C6orf89: variants seen among roughly 807,000 people sequenced by gnomAD.
C6orf89 encodes the protein chromosome 6 open reading frame 89.
In C6orf89, 29 loss-of-function variants were observed where a neutral mutation model predicts 40.7. That is an observed-to-expected ratio of 0.71 (90% CI 0.53 to 0.97). The LOEUF is 0.97. Among genes scored for constraint, C6orf89 ranks in the 50% least tolerant of loss-of-function variants. The pLI, the probability that C6orf89 is intolerant of heterozygous loss-of-function variation, is 0.00. For synonymous variants in C6orf89, 165 were observed against 152.2 expected (o/e 1.08, Z -0.62); for missense variants, 392 against 429.1 (o/e 0.91, Z 0.76).
chr6:36,887,956 C>G (rs1775057361), intron 1 of C6orf89, among the ~76,000 whole-genome samples: 1 of 152,126 alleles, frequency 6.6e-6, no homozygotes, highest in South Asian at 2.1e-4. Flanking sequence ...AAGTCCTGGG[C>G]TCAAGCAGTC....
chr6:36,900,476 A>G (rs1761632906), intron 3 of C6orf89, among the ~76,000 whole-genome samples: 1 of 151,360 alleles, frequency 6.6e-6, no homozygotes, highest in Admixed American at 6.6e-5. Flanking sequence ...TGCTGGGATT[A>G]CAGGCCTAAG....
At chr6:36,894,006 A>T (rs1761324752) in intron 1 of C6orf89, among the ~76,000 whole-genome samples, 1 of 150,220 alleles carries the variant, frequency 6.7e-6, no homozygotes. Context: ...CCTGGGCAAC[A>T]CAGCGAGACT....
intron 2 of C6orf89, among the ~76,000 whole-genome samples, chr6:36,899,098 A>G (rs1761561906): frequency 6.6e-6 from 1 of 152,120 alleles, no homozygotes; most frequent in Non-Finnish European, 1.5e-5. Context: ...TTGGTGTCAG[A>G]AATCTTTTTT....
intron 7 of C6orf89, among the ~76,000 whole-genome samples, chr6:36,918,459 C>T (rs984857386): frequency 4.6e-5 from 7 of 152,300 alleles, no homozygotes; most frequent in East Asian, 3.9e-4. Context: ...CCACATTAGC[C>T]GGTGAAATGG....
In C6orf89 at chr6:36,924,744, C is replaced by T. The variant is rs984574753; in HGVS notation, c.*1303C>T. 1 of 152,148 alleles carries T rather than the reference C, an allele frequency of 6.6e-6. No homozygotes were observed. Among genetic ancestry groups the T allele is most frequent in the Non-Finnish European group, 1.5e-5 (1 of 68,036 alleles). The allele number at this position is 152,148 out of a possible 1,614,324, so 9.4% of individuals were successfully genotyped here. A position where few individuals can be genotyped will look rare whatever the true frequency, so the allele number is the denominator to read the frequency against. The stretch of plus-strand genomic sequence containing the variant: ...GCCAAGATGAAGAAAAAGCAAACTA[C>T]ACTTTGGCCTCTGGTTCTGAATTGC... On this transcript the variant is annotated 3_prime_UTR_variant, in exon 9 of 9. Coordinates refer to ENST00000480824, the MANE Select transcript of C6orf89 (RefSeq NM_001286635.2).
At chr6:36,909,264 G>A (rs1453272278) in intron 4 of C6orf89, among the ~76,000 whole-genome samples, 1 of 143,066 alleles carries the variant, frequency 7.0e-6, no homozygotes, top group Non-Finnish European at 1.5e-5. Flanking sequence ...CTTTTTTTCT[G>A]TAAGATATAT....
chr6:36,914,459 G>A lies in C6orf89; in HGVS notation c.555+24G>A, dbSNP rs201425323. On this transcript the variant is annotated intron_variant, in intron 5 of 8. Transcript: ENST00000480824. The stretch of plus-strand genomic sequence containing the variant: ...AGGTGAGCAGAAGCCTGAGTCTCCC[G>A]CTGATTGGCTGCTTGCTTAAAGGCT... The A allele has an allele frequency of 5.0e-5, 80 of 1,613,484 alleles. No homozygotes were observed. The African/African-American group carries it at 8.3e-4, about 17-fold the overall frequency.
At chr6:36,905,360 G>A (rs1481572467) in intron 4 of C6orf89, among the ~76,000 whole-genome samples, 4 of 152,314 alleles carry the variant, frequency 2.6e-5, no homozygotes, top group Non-Finnish European at 4.4e-5. Flanking sequence ...GACCTGAAGA[G>A]TCTAGCTTTA....
chr6:36,888,923 G>C (rs1402361715), intron 1 of C6orf89, among the ~76,000 whole-genome samples: 1 of 152,178 alleles, frequency 6.6e-6, no homozygotes, highest in Non-Finnish European at 1.5e-5. Context: ...GGAGGAATGA[G>C]TTGAAGGGGA....
At chr6:36,877,054 A>AT (rs929390371) in intron 1 of C6orf89, among the ~76,000 whole-genome samples, 28 of 152,022 alleles carry the variant, frequency 1.8e-4, no homozygotes, top group Non-Finnish European at 4.0e-4. Flanking sequence ...TAAAGTACGT[A>AT]TTTTTTTGTG....
intron 1 of C6orf89, among the ~76,000 whole-genome samples, chr6:36,888,486 T>C (rs1413206764): frequency 6.6e-6 from 1 of 152,090 alleles, no homozygotes; most frequent in East Asian, 1.9e-4. Flanking sequence ...ATACAAAAAT[T>C]AGCTGAGTGT....
chr6:36,912,304 T>C (rs1011667763), intron 4 of C6orf89, among the ~76,000 whole-genome samples: 1 of 152,130 alleles, frequency 6.6e-6, no homozygotes, highest in Non-Finnish European at 1.5e-5. Context: ...CCTCAGTAAT[T>C]ACACAGTGAA....
chr6:36,927,586 C>A lies in C6orf89; in HGVS notation c.*4145C>A, dbSNP rs1450864852. On this transcript the variant is annotated 3_prime_UTR_variant, in exon 9 of 9. Coordinates refer to ENST00000480824, the MANE Select transcript of C6orf89 (RefSeq NM_001286635.2). The stretch of plus-strand genomic sequence containing the variant: ...AGTATACAAGTTCCACACTCATTAC[C>A]TTTCAGTGGTGACCCATCACCCACT... The A allele has an allele frequency of 6.6e-6, 1 of 152,210 alleles. No individual in the cohort carries two copies. Among genetic ancestry groups the A allele is most frequent in the African/African-American group, 2.4e-5 (1 of 41,436 alleles). The allele number at this position is 152,210 out of a possible 1,614,324, so 9.4% of individuals were successfully genotyped here. A position where few individuals can be genotyped will look rare whatever the true frequency, so the allele number is the denominator to read the frequency against.
upstream of C6orf89, chr6:36,883,089 T>G (rs942000257): frequency 1.3e-5 from 2 of 152,246 alleles, no homozygotes; most frequent in African/African-American, 4.8e-5. Context: ...AGCTTTCCCA[T>G]GCAATAGGGC....
chr6:36,901,336 T>TA, intron 3 of C6orf89, among the ~76,000 whole-genome samples: 1 of 56,894 alleles, frequency 1.8e-5, no homozygotes, highest in East Asian at 7.2e-4. Flanking sequence ...TTTTTTTTTT[T>TA]TTTTTTTTTT....
chr6:36,916,495 T>A lies in C6orf89; in HGVS notation c.746T>A (p.Phe249Tyr). ...SQMLRELFPV[F>Y]THLPFPKDAS... ...ATGTTACGTGAGCTTTTTCCTGTTT[T>A]CACTCACCTGCCATTTCCAAAAGAT... is the stretch of plus-strand genomic sequence containing the variant. The change falls in exon 7 of 9, where the codon TTC becomes TAC. Residue 249 changes from phenylalanine (F) to tyrosine (Y), a missense_variant. Transcript: ENST00000480824. 6.2e-7 allele frequency: 1 copy of A among 1,614,236 alleles called. No homozygotes were observed. Among genetic ancestry groups the A allele is most frequent in the Non-Finnish European group, 8.5e-7 (1 of 1,180,038 alleles).
intron 1 of C6orf89, chr6:36,874,681 C>T: frequency 6.2e-7 from 1 of 1,610,468 alleles, no homozygotes; most frequent in South Asian, 1.1e-5. Context: ...GGCTCCGCGT[C>T]TCCTCTGCCA....
chr6:36,916,652 C>G (rs774397220), intron 7 of C6orf89, 78 bp downstream of exon 7: 165 of 1,564,788 alleles, frequency 1.1e-4, no homozygotes, highest in Non-Finnish European at 1.4e-4. Context: ...CAAGGCCTTC[C>G]CTGCATATTG....
At chr6:36,910,088 A>G (rs1762072358) in intron 4 of C6orf89, among the ~76,000 whole-genome samples, 1 of 151,960 alleles carries the variant, frequency 6.6e-6, no homozygotes, top group African/African-American at 2.4e-5. Context: ...GTGAGAACTC[A>G]TGAATATATG....
Sources: gnomAD v4.1 joint callset for allele counts (sites outside exome capture counted in the v4.1 genomes callset) on GRCh38, gnomAD v4.1.1 for gene constraint, MANE v1.5 for transcripts, NCBI Gene and HGNC (gene_info 2026-07-23, HGNC 2026-07-21) for gene names.